NCKAP5: variants seen among roughly 807,000 people sequenced by gnomAD.
NCKAP5 encodes the protein nck-associated protein 5.
Under a neutral mutation model 167.0 loss-of-function variants are expected in NCKAP5, and 92 were observed. That is an observed-to-expected ratio of 0.55 (90% CI 0.47 to 0.66). The LOEUF (loss-of-function observed/expected upper bound fraction) is 0.66, where lower values mean the gene tolerates loss of function less well. NCKAP5 is among the 30% of genes least tolerant of loss of function. NCKAP5 has a pLI of 0.00. For missense variants in NCKAP5, 2,378 were observed against 2,315.0 expected (o/e 1.03, Z -0.56); for synonymous variants, 891 against 877.4 (o/e 1.02, Z -0.27).
At chr2:132,734,005 T>A (rs527355517) in intron 16 of NCKAP5, among the ~76,000 whole-genome samples, 2 of 152,302 alleles carry the variant, frequency 1.3e-5, no homozygotes, top group East Asian at 3.9e-4. Context: ...GGATGTTTGG[T>A]CATGGACTCC....
chr2:132,715,465 A>G (rs549425205), intron 19 of NCKAP5, among the ~76,000 whole-genome samples: 1 of 151,808 alleles, frequency 6.6e-6, no homozygotes, highest in Admixed American at 6.6e-5. Flanking sequence ...TGTTGACTAC[A>G]TTTTTTTTCT....
chr2:133,111,865 A>G (rs2081925233), intron 6 of NCKAP5, among the ~76,000 whole-genome samples: 1 of 152,200 alleles, frequency 6.6e-6, no homozygotes, highest in South Asian at 2.1e-4. Context: ...TAGTGGAAAA[A>G]AATCACTTGA....
rs112706049 is a variant in NCKAP5 at position 133,055,644 on chromosome 2, T to C, written c.342-61405A>G. On this transcript the variant is annotated intron_variant, in intron 6 of 19. Coordinates refer to ENST00000409261, the MANE Select transcript of NCKAP5 (RefSeq NM_207363.3). ...CATAATGGGTATAGCCAATTTAAGCTCTGAAATGCACACACAGAGGATGAA... is the reference window on the plus strand; with the variant it reads ...CATAATGGGTATAGCCAATTTAAGCCCTGAAATGCACACACAGAGGATGAA... 2.5e-4 allele frequency among the ~76,000 whole-genome samples: 38 copies of C among 152,088 alleles called. 1 individual carries two copies. The highest frequency in any genetic ancestry group is 1.5e-5 in the Non-Finnish European group (1 of 68,022).
At position 132,731,790 on chromosome 2, in the gene NCKAP5, G is replaced by A. The variant is rs1691032687; in HGVS notation, c.5390C>T (p.Thr1797Ile). The A allele has an allele frequency of 6.2e-7, 1 of 1,613,842 alleles. No individual in the cohort carries two copies. The highest frequency in any genetic ancestry group is 8.5e-7 in the Non-Finnish European group (1 of 1,179,776). ...IVHSTSDPIM[T>I]ARGMRPLQSR... Reference sequence around the variant, plus strand: ...CTGAAGAGGCCTCATCCCTCTGGCGGTCATGATGGGGTCGGATGTGGAATG... The same window carrying A: ...CTGAAGAGGCCTCATCCCTCTGGCGATCATGATGGGGTCGGATGTGGAATG... Residue 1797 changes from threonine (T) to isoleucine (I), a missense_variant, in exon 17 of 20, where the codon ACC becomes ATC. Thr to Ile is a moderately conservative substitution (Grantham distance 89). Transcript: ENST00000409261.
chr2:133,598,538 G>A, the NCKAP5 span, among the ~76,000 whole-genome samples: 124,119 of 152,144 alleles, frequency 0.82, 50,720 homozygotes, highest in Non-Finnish European at 0.83. Flanking sequence ...CCACAGCCCA[G>A]TGATGGACAG....
intron 6 of NCKAP5, among the ~76,000 whole-genome samples, chr2:133,079,132 C>T (rs2080715944): frequency 6.6e-6 from 1 of 152,186 alleles, no homozygotes; most frequent in African/African-American, 2.4e-5. Flanking sequence ...ATCCTGGAAT[C>T]ATTTCACATT....
intron 6 of NCKAP5, among the ~76,000 whole-genome samples, chr2:133,044,997 G>C (rs2079342519): frequency 6.6e-6 from 1 of 151,388 alleles, no homozygotes; most frequent in Admixed American, 6.6e-5. Context: ...CCAGGCTGAA[G>C]TGAGCTAAGA....
At chr2:133,359,648 A>G (rs1390669222) in intron 3 of NCKAP5, among the ~76,000 whole-genome samples, 1 of 152,192 alleles carries the variant, frequency 6.6e-6, no homozygotes, top group Admixed American at 6.5e-5. Context: ...AACCAGTTCA[A>G]TTTCTCATGA....
At chr2:132,868,915 C>A in intron 10 of NCKAP5, 21 bp downstream of exon 10, 1 of 1,534,950 alleles carries the variant, frequency 6.5e-7, no homozygotes, top group Non-Finnish European at 8.8e-7. Flanking sequence ...TTGAAAAGAA[C>A]AAAGTCAGAA....
intron 3 of NCKAP5, among the ~76,000 whole-genome samples, chr2:133,465,040 G>C (rs1215478528): frequency 2.0e-5 from 3 of 151,336 alleles, no homozygotes; most frequent in Non-Finnish European, 4.4e-5. Flanking sequence ...TAAGTTTTAG[G>C]GTACATGTGC....
chr2:133,137,748 A>G (rs2082846599), intron 5 of NCKAP5, among the ~76,000 whole-genome samples: 1 of 152,180 alleles, frequency 6.6e-6, no homozygotes, highest in African/African-American at 2.4e-5. Context: ...GCAAGATAAA[A>G]TGAAGGTGTT....
chr2:133,044,891 C>T (rs543131673), intron 6 of NCKAP5, among the ~76,000 whole-genome samples: 4 of 151,806 alleles, frequency 2.6e-5, no homozygotes, highest in South Asian at 2.1e-4. Flanking sequence ...CCCATCTCTA[C>T]AAAAAATGGA....
At chr2:133,050,617 T>A (rs768544943) in intron 6 of NCKAP5, among the ~76,000 whole-genome samples, 1 of 152,296 alleles carries the variant, frequency 6.6e-6, no homozygotes. Flanking sequence ...ATAGATGAAA[T>A]TGTAATTCAG....
intron 3 of NCKAP5, among the ~76,000 whole-genome samples, chr2:133,407,040 C>A (rs1688483570): frequency 6.6e-6 from 1 of 152,218 alleles, no homozygotes; most frequent in South Asian, 2.1e-4. Context: ...GAATATCCCC[C>A]TAAATGGGAA....
At chr2:133,085,806 G>C (rs1405020952) in intron 6 of NCKAP5, among the ~76,000 whole-genome samples, 1 of 152,102 alleles carries the variant, frequency 6.6e-6, no homozygotes, top group African/African-American at 2.4e-5. Context: ...GCAGAGGAAA[G>C]ATGAGAATAC....
chr2:132,863,029 C>A (rs985402290), intron 10 of NCKAP5, among the ~76,000 whole-genome samples: 2 of 151,990 alleles, frequency 1.3e-5, no homozygotes, highest in Admixed American at 1.3e-4. Flanking sequence ...ACCATATTGG[C>A]CAGGCTGGTC....
chr2:133,149,485 G>C (rs1559194509), intron 5 of NCKAP5, among the ~76,000 whole-genome samples: 1 of 148,810 alleles, frequency 6.7e-6, no homozygotes, highest in African/African-American at 2.5e-5. Flanking sequence ...TCTACTGAGA[G>C]CCTCTCATTT....
intron 2 of NCKAP5, chr2:133,554,232 A>C (rs962324281): frequency 2.6e-5 from 4 of 152,144 alleles, no homozygotes; most frequent in African/African-American, 7.2e-5. Flanking sequence ...CTGATTAGGG[A>C]CCTTAATTAT....
chr2:132,725,794 A>G, intron 18 of NCKAP5, 35 bp from the exon 19 acceptor site: 1 of 1,606,174 alleles, frequency 6.2e-7, no homozygotes. Context: ...AAGATAATTC[A>G]TACAAATCAA....
Sources: allele counts gnomAD v4.1 joint callset (sites outside exome capture counted in the v4.1 genomes callset), GRCh38; gene constraint gnomAD v4.1.1; transcripts MANE v1.5; gene names NCBI Gene and HGNC (gene_info 2026-07-23, HGNC 2026-07-21).